The following ATP12A variants were observed in gnomAD, a reference collection of about 807,000 sequenced individuals.
The protein encoded by ATP12A is ATPase H+/K+ transporting non-gastric alpha2 subunit.
A neutral mutation model predicts 111.2 loss-of-function variants in ATP12A; 81 were observed. The ratio of observed to expected loss-of-function variants is 0.73; its 90% CI spans 0.61 to 0.88. The LOEUF (loss-of-function observed/expected upper bound fraction) is 0.88, where lower values mean the gene tolerates loss of function less well. Ranked by LOEUF, ATP12A falls within the 40% of genes least tolerant of loss-of-function variation. The pLI is 0.00. For missense variants in ATP12A, 1,196 were observed against 1,313.1 expected, an observed-to-expected ratio of 0.91 and a Z score of 1.38; for synonymous variants, 498 against 499.8, an observed-to-expected ratio of 1.00 and a Z score of 0.05.
At chr13:24,698,931 C>G (rs1011082975) in intron 12 of ATP12A, 81 bp downstream of exon 12, 39 of 1,504,894 alleles carry the variant, frequency 2.6e-5, no homozygotes, top group Middle Eastern at 2.0e-4. Context: ...GTGACCTAGC[C>G]CAGTGGCCAT....
chr13:24,697,255 G>A (rs752633008), intron 11 of ATP12A, among the ~76,000 whole-genome samples: 1 of 152,128 alleles, frequency 6.6e-6, no homozygotes, highest in African/African-American at 2.4e-5. Context: ...TAAATAAGTC[G>A]ATGTGGACAG....
At chr13:24,696,400 A>C (rs1875152676) in intron 11 of ATP12A, among the ~76,000 whole-genome samples, 2 of 150,842 alleles carry the variant, frequency 1.3e-5, no homozygotes, top group Non-Finnish European at 3.0e-5. Context: ...GGCTACACAG[A>C]GTGGGACTAG....
At chr13:24,686,228 C>A (rs753957500) in intron 3 of ATP12A, among the ~76,000 whole-genome samples, 6 of 150,784 alleles carry the variant, frequency 4.0e-5, no homozygotes. Flanking sequence ...CACCTGAGGT[C>A]GGGAGTTTGA....
chr13:24,691,742 G>C (rs1874915228), intron 8 of ATP12A, among the ~76,000 whole-genome samples: 1 of 152,148 alleles, frequency 6.6e-6, no homozygotes, highest in Admixed American at 6.5e-5. Flanking sequence ...AGTCCCTAGA[G>C]AAGAGCCCCC....
chr13:24,694,373 T>C, intron 10 of ATP12A, 71 bp from the exon 11 acceptor site: 2 of 1,581,358 alleles, frequency 1.3e-6, no homozygotes, highest in Non-Finnish European at 1.7e-6. Context: ...GGGTGTGTTT[T>C]GGGTCCTATG....
intron 2 of ATP12A, among the ~76,000 whole-genome samples, chr13:24,684,537 T>G (rs1486300051): frequency 6.6e-6 from 1 of 152,106 alleles, no homozygotes; most frequent in Non-Finnish European, 1.5e-5. Context: ...TTCTTGTCCT[T>G]TAGCCCAGTG....
intron 11 of ATP12A, among the ~76,000 whole-genome samples, chr13:24,695,694 G>A (rs576389732): frequency 8.8e-4 from 118 of 133,606 alleles, no homozygotes; most frequent in Non-Finnish European, 1.5e-3. Flanking sequence ...TGCAACCTCC[G>A]CCTCCCAGGT....
intron 8 of ATP12A, 109 bp downstream of exon 8, chr13:24,691,359 C>T (rs1874897228): frequency 7.5e-7 from 1 of 1,333,752 alleles, no homozygotes; most frequent in African/African-American, 1.5e-5. Context: ...AGCACCACGC[C>T]CTCCCCGCCA....
chr13:24,689,874 T>G (rs1874807219), intron 5 of ATP12A, among the ~76,000 whole-genome samples: 1 of 152,044 alleles, frequency 6.6e-6, no homozygotes. Flanking sequence ...CTGCCAAGCT[T>G]GAAGCAGGAG....
intron 2 of ATP12A, among the ~76,000 whole-genome samples, chr13:24,682,013 G>GGT: frequency 9.4e-6 from 1 of 106,706 alleles, no homozygotes; most frequent in African/African-American, 3.7e-5. Context: ...GTGTGTATAT[G>GGT]GTGTGTGTAG....
At chr13:24,703,596 G>GTAGA (rs1875489231) in intron 14 of ATP12A, 1 of 152,176 alleles carries the variant, frequency 6.6e-6, no homozygotes, top group South Asian at 2.1e-4. Flanking sequence ...AGGGGAAAGA[G>GTAGA]TAGAAGTTTG....
chr13:24,696,718 CAAAAAA>C (rs1199522203), intron 11 of ATP12A, among the ~76,000 whole-genome samples: 3 of 33,038 alleles, frequency 9.1e-5, no homozygotes, highest in African/African-American at 1.8e-4. Flanking sequence ...GACTCCGTCT[CAAAAAA>C]AAAAAAAAAA....
chr13:24,705,468 T>C (rs1012278952), intron 14 of ATP12A, among the ~76,000 whole-genome samples: 9 of 152,190 alleles, frequency 5.9e-5, no homozygotes, highest in African/African-American at 2.2e-4. Flanking sequence ...GCATAATCAA[T>C]AGGCCCTAGA....
Position 24,688,289 on chromosome 13 carries a change from T to C in ATP12A, c.229-30T>C, listed in dbSNP as rs759026675. 5.1e-6 allele frequency: 8 copies of C among 1,584,078 alleles called. No homozygotes were observed. The East Asian group carries it at 1.8e-4, about 36-fold the overall frequency. ...AATGTCTAATTCGTATTTGTTTTGGTTGTGCATGTGCTTTGTTTGGCTTTC... is the reference window on the plus strand; with the variant it reads ...AATGTCTAATTCGTATTTGTTTTGGCTGTGCATGTGCTTTGTTTGGCTTTC... On this transcript the variant is annotated intron_variant, in intron 3 of 22. Coordinates refer to ENST00000381946, the MANE Select transcript of ATP12A (RefSeq NM_001676.7).
rs1566071034 is a variant in ATP12A at position 24,690,373 on chromosome 13, C to T, written c.582C>T (p.Thr194=). The part of the protein sequence containing the change: ...ALVIRDSEKK[T]IPSEQLVVGD... ...TCATCCGAGATTCCGAGAAGAAGAC[C>T]ATCCCTTCAGAGCAGCTGGTGGTGG... The change falls in exon 6 of 23, where the codon ACC becomes ACT. Residue 194 remains threonine, a synonymous_variant. Transcript: ENST00000381946. 1 of 1,613,264 alleles carries T rather than the reference C, an allele frequency of 6.2e-7. No homozygotes were observed. Among genetic ancestry groups the T allele is most frequent in the African/African-American group, 1.3e-5 (1 of 74,702 alleles).
At chr13:24,706,634 C>T (rs1402216012) in intron 15 of ATP12A, among the ~76,000 whole-genome samples, 171 bp downstream of exon 15, 1 of 152,212 alleles carries the variant, frequency 6.6e-6, no homozygotes, top group African/African-American at 2.4e-5. Context: ...TGGCCCCTGT[C>T]CTCCTTTGAG....
At chr13:24,696,785 G>A (rs1289085681) in intron 11 of ATP12A, among the ~76,000 whole-genome samples, 2 of 151,448 alleles carry the variant, frequency 1.3e-5, no homozygotes, top group African/African-American at 4.9e-5. Flanking sequence ...TGCTGAAGAG[G>A]TCGGAGGTGC....
rs1488434738 is a variant in ATP12A, at chr13:24,690,473, G to A, written c.681+1G>A. On this transcript the variant is annotated splice_donor_variant, in intron 6 of 22. Transcript: ENST00000381946. LOFTEE classifies it high-confidence loss of function. ...GGTGCTGTCTTCTCAGGGGTGTCGGGTAAGCGGCAAGGGGTATCCACCCCA... is the reference window on the plus strand; with the variant it reads ...GGTGCTGTCTTCTCAGGGGTGTCGGATAAGCGGCAAGGGGTATCCACCCCA... 1 of 1,613,812 alleles carries A rather than the reference G, an allele frequency of 6.2e-7. No individual in the cohort carries two copies. The highest frequency in any genetic ancestry group is 8.5e-7 in the Non-Finnish European group (1 of 1,179,904).
chr13:24,706,781 G>A (rs1875668745), intron 15 of ATP12A, among the ~76,000 whole-genome samples: 1 of 152,218 alleles, frequency 6.6e-6, no homozygotes, highest in African/African-American at 2.4e-5. Context: ...CAAAAAATGT[G>A]AAGACATAAG....
Sources: allele counts gnomAD v4.1 joint callset (sites outside exome capture counted in the v4.1 genomes callset), GRCh38; gene constraint gnomAD v4.1.1; transcripts MANE v1.5; gene names NCBI Gene and HGNC (gene_info 2026-07-23, HGNC 2026-07-21).